The following BRD9 variants were observed in gnomAD, a reference collection of about 807,000 sequenced individuals.
BRD9 encodes the protein bromodomain containing 9.
A neutral mutation model predicts 68.7 loss-of-function variants in BRD9; 47 were observed. The observed-to-expected ratio is 0.68, with a 90% CI of 0.54 to 0.87. The LOEUF is 0.87. BRD9 is among the 40% of genes least tolerant of loss of function. The pLI, the probability that BRD9 is intolerant of heterozygous loss-of-function variation, is 0.00. For missense variants in BRD9, 670 were observed against 748.4 expected, an observed-to-expected ratio of 0.90 and a Z score of 1.22; for synonymous variants, 313 against 293.9, an observed-to-expected ratio of 1.06 and a Z score of -0.67.
intron 15 of BRD9, 109 bp downstream of exon 15, chr5:865,305 T>C (rs1041655388): frequency 5.1e-6 from 7 of 1,383,848 alleles, no homozygotes; most frequent in Non-Finnish European, 6.7e-6. Flanking sequence ...CCGCTGCCCA[T>C]GCAGCCTCCA....
At chr5:873,551 C>T (rs888780714) in intron 12 of BRD9, among the ~76,000 whole-genome samples, 4 of 152,222 alleles carry the variant, frequency 2.6e-5, no homozygotes, top group African/African-American at 7.2e-5. Flanking sequence ...TCCTTATGCA[C>T]GACTCTGCCT....
rs112371881 is a variant in BRD9, at chr5:876,421, G to A, written c.1272-209C>T. ...CAAAAAGGTTAAAAAGATCTCAGTG[G>A]GGAGAGGGAGAAAAGCATGAATACA... On this transcript the variant is annotated intron_variant, in intron 11 of 15. Coordinates refer to ENST00000467963, the MANE Select transcript of BRD9 (RefSeq NM_023924.5). Among the ~76,000 whole-genome samples the A allele has an allele frequency of 4.5e-3, 683 of 152,324 alleles. 5 individuals are homozygous for A. The highest frequency in any genetic ancestry group is 0.016 in the African/African-American group (656 of 41,576).
At position 891,686 on chromosome 5, in the gene BRD9, G is replaced by T; in HGVS notation, c.221C>A (p.Ser74Tyr). ...KEKKKKKKKKSEKEKHLDDEE... is the reference protein window; with the variant it reads ...KEKKKKKKKKYEKEKHLDDEE... ...ATCGTCCAGATGCTTCTCCTTCTCG[G>T]ACTTCTTCTTCTTCTTCTTTTTCTT... Residue 74 changes from serine to tyrosine, a missense_variant, in exon 2 of 16, where the codon TCC (serine) becomes TAC (tyrosine). Around this residue, in one of 5 missense-constraint regions of BRD9, gnomAD observed 161 missense variants for 148.1 expected, o/e 1.09. Transcript: ENST00000467963. 1 of 1,551,494 alleles carries T rather than the reference G, an allele frequency of 6.4e-7. No homozygotes were observed.
intron 11 of BRD9, 131 bp from the exon 12 acceptor site, chr5:876,343 T>G: frequency 1.6e-6 from 1 of 629,490 alleles, no homozygotes; most frequent in Non-Finnish European, 2.8e-6. Context: ...GAGCGGGTAT[T>G]TTGTGGGGAG....
intron 3 of BRD9, 37 bp downstream of exon 3, chr5:891,118 G>A (rs1273949463): frequency 5.3e-6 from 8 of 1,523,168 alleles, no homozygotes; most frequent in Non-Finnish European, 4.4e-6. Context: ...ACGATGAGCT[G>A]TGAACACCAG....
At chr5:891,496 G>A (rs1753391577) in intron 2 of BRD9, 144 bp downstream of exon 2, 1 of 1,353,424 alleles carries the variant, frequency 7.4e-7, no homozygotes, top group Non-Finnish European at 9.8e-7. Flanking sequence ...GAGTCTGCGG[G>A]CCTCAGCGGT....
rs1300695910 is a variant in BRD9, at chr5:876,109, G to C, written c.1375C>G (p.Leu459Val). 3 of 1,611,776 alleles carry C rather than the reference G, an allele frequency of 1.9e-6. No homozygotes were observed. Among genetic ancestry groups the C allele is most frequent in the East Asian group, 4.5e-5 (2 of 44,856 alleles). Residue 459 changes from leucine (L) to valine (V), a missense_variant, in exon 12 of 16, where the codon CTG becomes GTG. Physicochemically the swap from Leu to Val is conservative, Grantham distance 32. Coordinates refer to ENST00000467963, the MANE Select transcript of BRD9 (RefSeq NM_023924.5). The stretch of plus-strand genomic sequence containing the variant: ...GTGCGAGTGCAGCCCACCTGCTTCA[G>C]CTGGAAGAGCGTCCTAGAGTGGTCT... ...GGDHSRTLFQ[L>V]KQRRNVPMKP...
At chr5:882,019 C>A (rs1432195863) in intron 8 of BRD9, 1 of 152,678 alleles carries the variant, frequency 6.5e-6, no homozygotes, top group East Asian at 1.9e-4. Context: ...CAGGTGCCAA[C>A]AGAATCCCTC....
At chr5:883,427 A>C in intron 8 of BRD9, 1 of 456,994 alleles carries the variant, frequency 2.2e-6, no homozygotes, top group Non-Finnish European at 4.4e-6. Flanking sequence ...GTTTCCACTG[A>C]AGACACTGGG....
intron 8 of BRD9, among the ~76,000 whole-genome samples, chr5:882,792 G>C (rs1432646020): frequency 8.0e-6 from 1 of 124,672 alleles, no homozygotes; most frequent in Non-Finnish European, 1.7e-5. Context: ...GCAAACCACA[G>C]CAACTTCCCA....
intron 12 of BRD9, among the ~76,000 whole-genome samples, chr5:871,886 AG>A (rs1249224844): frequency 1.3e-5 from 2 of 152,250 alleles, no homozygotes; most frequent in African/African-American, 2.4e-5. Flanking sequence ...AAAAGAAAAA[AG>A]ATGTGCCTAG....
At chr5:883,118 C>T in intron 8 of BRD9, 1 of 361,320 alleles carries the variant, frequency 2.8e-6, no homozygotes, top group Admixed American at 3.8e-5. Flanking sequence ...CGCAACCTCG[C>T]AACACGCAAG....
chr5:888,596 A>T (rs569837919), intron 5 of BRD9, among the ~76,000 whole-genome samples: 1 of 152,376 alleles, frequency 6.6e-6, no homozygotes, highest in African/African-American at 2.4e-5. Context: ...AACAGAGCTA[A>T]GAGCAAAGTA....
chr5:869,437 A>G (rs1560893802), intron 14 of BRD9: 1 of 447,746 alleles, frequency 2.2e-6, no homozygotes. Flanking sequence ...TATCCCTTTG[A>G]CATATTTTGA....
At chr5:882,828 C>G (rs939947195) in intron 8 of BRD9, 2 of 191,084 alleles carry the variant, frequency 1.0e-5, no homozygotes, top group African/African-American at 4.8e-5. Context: ...ACCACAGCAA[C>G]TTCCCAACAC....
At chr5:870,383 T>C in intron 14 of BRD9, 90 bp downstream of exon 14, 3 of 994,190 alleles carry the variant, frequency 3.0e-6, no homozygotes, top group Non-Finnish European at 4.8e-6. Flanking sequence ...CCCTGTCTAG[T>C]CAGGAAGGGA....
At chr5:883,904 G>A (rs918753475) in intron 8 of BRD9, 34 bp downstream of exon 8, 18 of 1,601,182 alleles carry the variant, frequency 1.1e-5, no homozygotes, top group South Asian at 1.1e-5. Flanking sequence ...CTGGGGCCAC[G>A]TGGCACCCTC....
rs1230216369 is a variant in BRD9, at chr5:883,842, G to A, written c.966+96C>T. On this transcript the variant is annotated intron_variant, in intron 8 of 15. Coordinates refer to ENST00000467963, the MANE Select transcript of BRD9 (RefSeq NM_023924.5). Reference sequence around the variant, plus strand: ...CCCACGCTGACCTCTGGATCCCGGTGGCTGTGCTAGATCACACAGCACCAA... The same window carrying A: ...CCCACGCTGACCTCTGGATCCCGGTAGCTGTGCTAGATCACACAGCACCAA... The A allele has an allele frequency of 1.8e-5, 27 of 1,500,912 alleles. No homozygotes were observed. In the South Asian group the frequency reaches 2.2e-4, roughly 12 times the overall value. The allele number at this position is 1,500,912 out of a possible 1,614,324, so 93.0% of individuals were successfully genotyped here.
At chr5:874,958 T>C (rs1320351393) in intron 12 of BRD9, among the ~76,000 whole-genome samples, 1 of 152,182 alleles carries the variant, frequency 6.6e-6, no homozygotes, top group Non-Finnish European at 1.5e-5. Flanking sequence ...AAATGACATT[T>C]GAGTAATGGC....
Sources: gnomAD v4.1 joint callset for allele counts (sites outside exome capture counted in the v4.1 genomes callset) on GRCh38, gnomAD v4.1.1 for gene constraint, gnomAD v4.1.1 regional missense constraint, MANE v1.5 for transcripts, NCBI Gene and HGNC (gene_info 2026-07-23, HGNC 2026-07-21) for gene names.